The following XKR6 variants were observed in gnomAD, a reference collection of about 807,000 sequenced individuals.
XKR6 encodes XK-related protein 6.
XKR6 carries 22 observed loss-of-function variants against 56.7 expected under a neutral mutation model. The ratio of observed to expected loss-of-function variants is 0.39; its 90% confidence interval spans 0.28 to 0.55. The LOEUF (loss-of-function observed/expected upper bound fraction) is 0.55. Among genes scored for constraint, XKR6 ranks in the 20% least tolerant of loss-of-function variants. XKR6 has a pLI of 0.66. For synonymous variants in XKR6, 524 were observed against 387.8 expected (o/e 1.35, Z -4.13); for missense variants, 852 against 889.0 (o/e 0.96, Z 0.53).
Position 10,897,223 on chromosome 8 carries a change from G to T in XKR6, c.*729C>A, listed in dbSNP as rs1480467795. 1 of 152,660 alleles carries T rather than the reference G, an allele frequency of 6.6e-6. No homozygotes were observed. Among genetic ancestry groups the T allele is most frequent in the African/African-American group, 2.4e-5 (1 of 41,460 alleles). The allele number at this position is 152,660 out of a possible 1,614,324, so 9.5% of individuals were successfully genotyped here. On this transcript the variant is annotated 3_prime_UTR_variant, in exon 3 of 3. Transcript: ENST00000416569. Reference sequence around the variant, plus strand: ...CTCCTAGAAGGCTCTGCAAAGTGGGGAGAAGGTCAGGAGAGGAGGGGGAGA... The same window carrying T: ...CTCCTAGAAGGCTCTGCAAAGTGGGTAGAAGGTCAGGAGAGGAGGGGGAGA...
At chr8:11,081,144 C>A (rs879818564) in intron 1 of XKR6, among the ~76,000 whole-genome samples, 1 of 152,152 alleles carries the variant, frequency 6.6e-6, no homozygotes, top group Non-Finnish European at 1.5e-5. Flanking sequence ...TTGCTAAAGC[C>A]GGATTCTGAG....
chr8:11,134,969 C>G (rs1471367952), intron 1 of XKR6, among the ~76,000 whole-genome samples: 2 of 151,472 alleles, frequency 1.3e-5, no homozygotes, highest in Non-Finnish European at 2.9e-5. Context: ...AGGCTGGCTA[C>G]AAATTTTGAT....
intron 1 of XKR6, among the ~76,000 whole-genome samples, chr8:11,172,134 C>T (rs1404875640): frequency 6.6e-6 from 1 of 151,796 alleles, no homozygotes; most frequent in Admixed American, 6.6e-5. Context: ...ACGTTGGGAG[C>T]CTGAGGCCAG....
intron 1 of XKR6, among the ~76,000 whole-genome samples, chr8:11,191,400 G>C (rs1297203375): frequency 2.0e-5 from 3 of 152,136 alleles, no homozygotes; most frequent in African/African-American, 7.2e-5. Flanking sequence ...CGATTGCCAA[G>C]GGAAAAACTA....
At chr8:11,030,091 G>A (rs894926720) in intron 1 of XKR6, among the ~76,000 whole-genome samples, 2 of 152,146 alleles carry the variant, frequency 1.3e-5, no homozygotes, top group Admixed American at 6.5e-5. Flanking sequence ...GACTGCAGGA[G>A]TCTCACCCCT....
intron 1 of XKR6, among the ~76,000 whole-genome samples, chr8:10,998,754 C>G (rs780437226): frequency 5.7e-4 from 87 of 152,186 alleles, no homozygotes; most frequent in Non-Finnish European, 7.8e-4. Flanking sequence ...GCACCCCTAC[C>G]CCTGAAACCT....
intron 1 of XKR6, among the ~76,000 whole-genome samples, chr8:10,943,591 A>G (rs1586334642): frequency 6.6e-6 from 1 of 151,502 alleles, no homozygotes; most frequent in East Asian, 1.9e-4. Flanking sequence ...GTGAAATTCC[A>G]CCCCTCGCTC....
intron 1 of XKR6, among the ~76,000 whole-genome samples, chr8:11,134,971 A>G (rs1800306243): frequency 6.6e-6 from 1 of 152,116 alleles, no homozygotes; most frequent in South Asian, 2.1e-4. Context: ...GCTGGCTACA[A>G]ATTTTGATTG....
intron 1 of XKR6, among the ~76,000 whole-genome samples, chr8:10,958,835 C>T (rs1362423394): frequency 6.6e-6 from 1 of 152,208 alleles, no homozygotes; most frequent in African/African-American, 2.4e-5. Flanking sequence ...GGAAACAGAA[C>T]AGAAGCCTTA....
intron 1 of XKR6, among the ~76,000 whole-genome samples, chr8:11,145,087 T>C (rs1478056193): frequency 1.3e-5 from 2 of 151,766 alleles, no homozygotes; most frequent in Admixed American, 1.3e-4. Context: ...GTATCTCTAA[T>C]CTGAAAATGC....
intron 1 of XKR6, among the ~76,000 whole-genome samples, chr8:11,131,416 T>A (rs1800097557): frequency 6.6e-6 from 1 of 152,184 alleles, no homozygotes; most frequent in Admixed American, 6.5e-5. Flanking sequence ...ATCATTTTTT[T>A]TGAGTTTTTC....
chr8:11,039,352 T>A (rs7838051), intron 1 of XKR6, among the ~76,000 whole-genome samples: 2 of 152,016 alleles, frequency 1.3e-5, no homozygotes, highest in Non-Finnish European at 2.9e-5. Flanking sequence ...GGCTGGGCAA[T>A]GAAGCCCTGG....
chr8:10,942,247 TCCAC>T (rs1801406121), intron 1 of XKR6, among the ~76,000 whole-genome samples: 1 of 152,154 alleles, frequency 6.6e-6, no homozygotes, highest in Non-Finnish European at 1.5e-5. Flanking sequence ...ACAAAGTACA[TCCAC>T]CCACATGGTC....
chr8:11,016,981 G>C (rs912380860), intron 1 of XKR6, among the ~76,000 whole-genome samples: 1 of 152,248 alleles, frequency 6.6e-6, no homozygotes, highest in African/African-American at 2.4e-5. Flanking sequence ...TAGACGGATA[G>C]ATTAGATAGA....
At chr8:11,159,940 C>T (rs1482972151) in intron 1 of XKR6, among the ~76,000 whole-genome samples, 3 of 152,138 alleles carry the variant, frequency 2.0e-5, no homozygotes, top group Admixed American at 6.5e-5. Flanking sequence ...AAAGCAGATC[C>T]ACCACGCTGG....
At chr8:10,975,913 G>C (rs566429991) in intron 1 of XKR6, among the ~76,000 whole-genome samples, 1 of 152,194 alleles carries the variant, frequency 6.6e-6, no homozygotes, top group East Asian at 1.9e-4. Flanking sequence ...AGTGGCTCAC[G>C]CCTGTAATCC....
intron 1 of XKR6, among the ~76,000 whole-genome samples, chr8:10,948,714 G>A (rs913139314): frequency 2.6e-5 from 4 of 152,122 alleles, no homozygotes; most frequent in African/African-American, 9.7e-5. Flanking sequence ...TTTCCCATGG[G>A]GAAGGCCCCG....
chr8:10,930,557 T>C (rs1397985754), intron 1 of XKR6, among the ~76,000 whole-genome samples: 1 of 152,088 alleles, frequency 6.6e-6, no homozygotes, highest in Non-Finnish European at 1.5e-5. Context: ...CAACAAAATA[T>C]TAGCAAATTA....
At chr8:10,960,443 G>A (rs1337024477) in intron 1 of XKR6, among the ~76,000 whole-genome samples, 1 of 152,202 alleles carries the variant, frequency 6.6e-6, no homozygotes, top group Non-Finnish European at 1.5e-5. Context: ...GCCGGGGGAG[G>A]AAAATGATTA....
Sources: gnomAD v4.1 joint callset for allele counts (sites outside exome capture counted in the v4.1 genomes callset) on GRCh38, gnomAD v4.1.1 for gene constraint, MANE v1.5 for transcripts, NCBI Gene and HGNC (gene_info 2026-07-23, HGNC 2026-07-21) for gene names.